The following HTR2C variants were observed in gnomAD, a reference collection of about 807,000 sequenced individuals.
The protein encoded by HTR2C is 5-hydroxytryptamine (serotonin) receptor 2C, G protein-coupled.
In HTR2C, 5 loss-of-function variants were observed where a neutral mutation model predicts 21.0. That is an observed-to-expected ratio of 0.24 (90% CI 0.12 to 0.50). The LOEUF (loss-of-function observed/expected upper bound fraction) is 0.50. Among genes scored for constraint, HTR2C ranks in the 20% least tolerant of loss-of-function variants. The probability of loss-of-function intolerance (pLI) is 0.98; values close to 1 mark genes in which losing one functional copy is unlikely to be tolerated. For missense variants in HTR2C, 271 were observed against 371.2 expected (o/e 0.73, Z 2.22); for synonymous variants, 150 against 145.3 (o/e 1.03, Z -0.23).
intron 4 of HTR2C, among the ~76,000 whole-genome samples, chrX:114,829,097 G>A (rs782603783): frequency 2.2e-4 from 25 of 111,540 alleles, no homozygotes; most frequent in African/African-American, 7.2e-4. Flanking sequence ...TGGTAATTCC[G>A]TGTTTGGCTT....
chrX:114,719,116 A>G (rs1159085544), intron 2 of HTR2C, among the ~76,000 whole-genome samples: 1 of 107,235 alleles, frequency 9.3e-6, no homozygotes, highest in Non-Finnish European at 1.9e-5. Flanking sequence ...CAAATATTAT[A>G]AAATCTCATT....
chrX:114,888,467 A>G (rs1188660386), intron 5 of HTR2C, among the ~76,000 whole-genome samples: 2 of 112,122 alleles, frequency 1.8e-5, no homozygotes, highest in Admixed American at 1.9e-4. Flanking sequence ...TATTATCCTC[A>G]GCAGCAGGTA....
intron 4 of HTR2C, among the ~76,000 whole-genome samples, chrX:114,764,342 G>T (rs782361463): frequency 6.6e-5 from 7 of 105,284 alleles, no homozygotes; most frequent in Non-Finnish European, 1.2e-4. Flanking sequence ...AGGTTGCGAT[G>T]AGCCGAGATC....
chrX:114,838,820 C>T (rs1556464794), intron 4 of HTR2C, among the ~76,000 whole-genome samples: 1 of 111,985 alleles, frequency 8.9e-6, no homozygotes, highest in African/African-American at 3.2e-5. Context: ...TTGTTCTATG[C>T]TCTATGGATA....
At chrX:114,868,303 A>C (rs2071062780) in intron 5 of HTR2C, among the ~76,000 whole-genome samples, 1 of 110,747 alleles carries the variant, frequency 9.0e-6, no homozygotes, top group East Asian at 2.8e-4. Context: ...TTTAGATAAT[A>C]ATTTCTTTTT....
At chrX:114,875,520 T>G (rs1556477907) in intron 5 of HTR2C, among the ~76,000 whole-genome samples, 1 of 111,630 alleles carries the variant, frequency 9.0e-6, no homozygotes, top group Non-Finnish European at 1.9e-5. Flanking sequence ...TATGTTTTTT[T>G]CAAAAGTTTT....
intron 4 of HTR2C, among the ~76,000 whole-genome samples, chrX:114,745,979 G>A (rs1225919646): frequency 8.9e-6 from 1 of 112,088 alleles, no homozygotes; most frequent in Non-Finnish European, 1.9e-5. Flanking sequence ...TTGTTTGTAA[G>A]TCAATGCATA....
At chrX:114,667,707 T>C (rs6644065) in intron 2 of HTR2C, among the ~76,000 whole-genome samples, 16,802 of 110,743 alleles carry the variant, frequency 0.15, 931 homozygotes, top group South Asian at 0.31. Context: ...AGGAACTAAA[T>C]TGTACTCAAC....
chrX:114,667,485 G>T (rs1242831200), intron 2 of HTR2C, among the ~76,000 whole-genome samples: 4 of 111,391 alleles, frequency 3.6e-5, no homozygotes, highest in African/African-American at 1.3e-4. Context: ...AACACTCAAA[G>T]CTTACTCTTC....
chrX:114,718,243 T>A (rs1174875024), intron 2 of HTR2C, among the ~76,000 whole-genome samples: 1 of 109,916 alleles, frequency 9.1e-6, no homozygotes, highest in Non-Finnish European at 1.9e-5. Context: ...CCATAGTTTT[T>A]AACTTATTTT....
chrX:114,720,010 T>TAAGGAAA (rs1292634847), intron 2 of HTR2C, among the ~76,000 whole-genome samples: 3 of 111,878 alleles, frequency 2.7e-5, no homozygotes, highest in Non-Finnish European at 5.6e-5. Flanking sequence ...ACTTTTAGCA[T>TAAGGAAA]AAGGAAAAAG....
chrX:114,742,937 A>T lies in HTR2C; in HGVS notation c.349+11330A>T, dbSNP rs1212160635. Among the ~76,000 whole-genome samples the T allele has an allele frequency of 1.1e-4, 6 of 53,070 alleles. No homozygotes were observed. In the East Asian group the frequency reaches 3.9e-3, roughly 34 times the overall value. 46.1% of individuals were successfully genotyped at this position (53,070 alleles called of 115,157 possible). The stretch of plus-strand genomic sequence containing the variant: ...ATATTCCCCTTCCTGTGTCCATGTG[A>T]TCTCATTGTTCAATTCCCACCTATG... On this transcript the variant is annotated intron_variant, in intron 4 of 5. Coordinates refer to ENST00000276198, the MANE Select transcript of HTR2C (RefSeq NM_000868.4).
At chrX:114,770,339 G>T (rs1313972855) in intron 4 of HTR2C, among the ~76,000 whole-genome samples, 1 of 111,154 alleles carries the variant, frequency 9.0e-6, no homozygotes, top group Non-Finnish European at 1.9e-5. Flanking sequence ...CTCCCATTAT[G>T]CATAATTTGA....
intron 2 of HTR2C, among the ~76,000 whole-genome samples, chrX:114,619,888 C>T (rs192252544): frequency 1.8e-5 from 2 of 111,869 alleles, no homozygotes; most frequent in Non-Finnish European, 3.8e-5. Context: ...TATTTGCTTT[C>T]GCTCAATATT....
chrX:114,705,900 C>A (rs1932758844), intron 2 of HTR2C, among the ~76,000 whole-genome samples: 1 of 60,406 alleles, frequency 1.7e-5, no homozygotes, highest in Non-Finnish European at 3.2e-5. Flanking sequence ...GGGCGAAGGA[C>A]ATGAACAGAC....
intron 4 of HTR2C, among the ~76,000 whole-genome samples, chrX:114,777,353 G>C (rs2070068980): frequency 8.9e-6 from 1 of 111,794 alleles, no homozygotes; most frequent in African/African-American, 3.3e-5. Context: ...TGCCCATTCT[G>C]TGTTAAGCAT....
chrX:114,644,544 T>G (rs782205851), intron 2 of HTR2C, among the ~76,000 whole-genome samples: 9 of 102,938 alleles, frequency 8.7e-5, no homozygotes, highest in African/African-American at 2.9e-4. Flanking sequence ...CCTTTTAATT[T>G]TTTCTCCTCA....
At chrX:114,731,272 T>G in intron 3 of HTR2C, 22 bp from the exon 4 acceptor site, 2 of 1,118,683 alleles carry the variant, frequency 1.8e-6, no homozygotes, top group Non-Finnish European at 2.4e-6. Flanking sequence ...ACCTGATTGT[T>G]TTTTTTTTTC....
intron 4 of HTR2C, among the ~76,000 whole-genome samples, chrX:114,813,773 A>C (rs1238063528): frequency 9.0e-6 from 1 of 111,092 alleles, no homozygotes; most frequent in Admixed American, 9.7e-5. Context: ...TGATTATGTC[A>C]ATAATCAGGT....
Sources: allele counts gnomAD v4.1 joint callset (sites outside exome capture counted in the v4.1 genomes callset), GRCh38; gene constraint gnomAD v4.1.1; transcripts MANE v1.5; gene names NCBI Gene and HGNC (gene_info 2026-07-23, HGNC 2026-07-21).